MTAP: variants seen among roughly 807,000 people sequenced by gnomAD.
MTAP encodes the protein methylthioadenosine phosphorylase, also known as S-methyl-5'-thioadenosine phosphorylase.
In MTAP, 33 loss-of-function variants were observed where a neutral mutation model predicts 33.6. The observed-to-expected ratio is 0.98, with a 90% CI of 0.74 to 1.31. The LOEUF (loss-of-function observed/expected upper bound fraction) is 1.31, where lower values mean the gene tolerates loss of function less well. Among genes scored for constraint, MTAP ranks in the 40% most tolerant of loss-of-function variants. MTAP has a pLI of 0.00. For missense variants in MTAP, 367 were observed against 360.0 expected (o/e 1.02, Z -0.16); for synonymous variants, 148 against 125.7 (o/e 1.18, Z -1.19).
chr9:21,862,116 A>T lies in MTAP; in HGVS notation c.*102A>T. On this transcript the variant is annotated 3_prime_UTR_variant, in exon 8 of 8. Transcript: ENST00000644715. ...AATATGGGAAAGACATGCAGCTTTC[A>T]TGCCCTTGCCTATCAAAGAGTATGT... The T allele has an allele frequency of 1.0e-5, 16 of 1,600,286 alleles. No individual in the cohort carries two copies. Among genetic ancestry groups the T allele is most frequent in the Non-Finnish European group, 1.4e-5 (16 of 1,173,792 alleles).
At chr9:21,845,764 T>C (rs939591250) in intron 5 of MTAP, among the ~76,000 whole-genome samples, 6 of 150,486 alleles carry the variant, frequency 4.0e-5, no homozygotes, top group African/African-American at 1.5e-4. Flanking sequence ...AAAAAAAAAA[T>C]CCTAAAATTT....
chr9:21,883,440 T>C (rs985769276), intron 1 of MTAP, among the ~76,000 whole-genome samples: 4 of 152,070 alleles, frequency 2.6e-5, no homozygotes, highest in African/African-American at 9.7e-5. Context: ...AGAGCATAAA[T>C]TGATAGAACC....
At position 21,816,701 on chromosome 9, in the gene MTAP, TC is replaced by T. The variant is rs1260999631; in HGVS notation, c.121-12del. On this transcript the variant is annotated splice_polypyrimidine_tract_variant and intron_variant, in intron 2 of 7. Coordinates refer to ENST00000644715, the MANE Select transcript of MTAP (RefSeq NM_002451.4). ...AATCACTGAGTTAAATGTCATTTTT[TC>T]ATTGCATGCAGCCATCTGATGCCTT... The T allele has an allele frequency of 6.2e-7, 1 of 1,607,290 alleles. No homozygotes were observed. Among genetic ancestry groups the T allele is most frequent in the Middle Eastern group, 1.7e-4 (1 of 6,036 alleles).
intron 4 of MTAP, among the ~76,000 whole-genome samples, chr9:21,836,600 T>C (rs879389688): frequency 2.0e-5 from 3 of 152,224 alleles, no homozygotes; most frequent in Admixed American, 1.3e-4. Context: ...GTCACCGTTT[T>C]ATTGGTTAAT....
chr9:21,815,350 A>G (rs1251568784), intron 1 of MTAP, 83 bp from the exon 2 acceptor site: 2 of 931,592 alleles, frequency 2.1e-6, no homozygotes, highest in South Asian at 1.6e-5. Flanking sequence ...AGAAGAGCAT[A>G]TGAATAAATG....
rs143583414 is a variant in MTAP, at chr9:21,918,077, C to T, written c.148-12931C>T. On this transcript the variant is annotated intron_variant, in intron 1 of 1. Coordinates refer to the MTAP transcript ENST00000577563. Reference sequence around the variant, plus strand: ...GCATAAGAGTGATTAATGGGCCGGGCGCGGTGGCTCCGCCTGTAATCCCAG... The same window carrying T: ...GCATAAGAGTGATTAATGGGCCGGGTGCGGTGGCTCCGCCTGTAATCCCAG... 6.1e-3 allele frequency among the ~76,000 whole-genome samples: 693 copies of T among 113,672 alleles called. 25 individuals carry two copies. In the East Asian group the frequency reaches 0.1, roughly 17 times the overall value. 74.6% of individuals were successfully genotyped at this position (113,672 alleles called of 152,430 possible). A position where few individuals can be genotyped will look rare whatever the true frequency, so the allele number is the denominator to read the frequency against.
intron 4 of MTAP, among the ~76,000 whole-genome samples, chr9:21,834,514 G>A (rs1387190828): frequency 6.6e-6 from 1 of 152,226 alleles, no homozygotes; most frequent in Admixed American, 6.5e-5. Context: ...CAGCACGGCT[G>A]CATTCCTTTC....
chr9:21,868,447 T>A (rs540385189), downstream of MTAP, among the ~76,000 whole-genome samples: 1 of 152,172 alleles, frequency 6.6e-6, no homozygotes, highest in African/African-American at 2.4e-5. Context: ...GGAGAAAGCC[T>A]TCAATGAGAA....
chr9:21,809,917 A>G (rs551794879), intron 1 of MTAP, among the ~76,000 whole-genome samples: 2 of 152,316 alleles, frequency 1.3e-5, no homozygotes, highest in African/African-American at 4.8e-5. Flanking sequence ...TCCTCTAAAA[A>G]TATCTGGCCA....
chr9:21,875,464 T>C (rs1194829649), intron 1 of MTAP, among the ~76,000 whole-genome samples: 1 of 152,154 alleles, frequency 6.6e-6, no homozygotes, highest in African/African-American at 2.4e-5. Context: ...TAAATTTGTT[T>C]AAGTTCCTTG....
downstream of MTAP, among the ~76,000 whole-genome samples, chr9:21,870,808 CTG>C (rs1825924676): frequency 7.5e-6 from 1 of 133,076 alleles, no homozygotes; most frequent in Admixed American, 8.6e-5. Flanking sequence ...GATGGATTCT[CTG>C]TCTCCCAGGC....
intron 4 of MTAP, among the ~76,000 whole-genome samples, chr9:21,819,652 A>G (rs1392567528): frequency 6.6e-6 from 1 of 152,178 alleles, no homozygotes; most frequent in Non-Finnish European, 1.5e-5. Context: ...TTGGGTATAT[A>G]CCCAGTAATG....
At chr9:21,909,123 T>C (rs936888800) in intron 1 of MTAP, among the ~76,000 whole-genome samples, 3 of 152,116 alleles carry the variant, frequency 2.0e-5, no homozygotes, top group African/African-American at 7.2e-5. Context: ...ATTCCTTTTC[T>C]GTTTAGAAAA....
At chr9:21,804,876 C>A (rs187470324) in intron 1 of MTAP, among the ~76,000 whole-genome samples, 7 of 152,330 alleles carry the variant, frequency 4.6e-5, no homozygotes, top group African/African-American at 1.7e-4. Flanking sequence ...ATTCCACCAA[C>A]TAGATGTGAG....
chr9:21,862,728 G>A lies in MTAP; in HGVS notation c.*714G>A, dbSNP rs1430358509. 1.9e-5 allele frequency: 3 copies of A among 159,906 alleles called. No individual in the cohort carries two copies. The highest frequency in any genetic ancestry group is 2.7e-5 in the Non-Finnish European group (2 of 75,324). 9.9% of individuals were successfully genotyped at this position (159,906 alleles called of 1,614,324 possible). A position where few individuals can be genotyped will look rare whatever the true frequency, so the allele number is the denominator to read the frequency against. On this transcript the variant is annotated 3_prime_UTR_variant, in exon 8 of 8. Transcript: ENST00000644715. ...TGCTCTATATATGAAGTGAAAAAAGGATATGGTAGCATTTTATAGTACTAG... is the reference window on the plus strand; with the variant it reads ...TGCTCTATATATGAAGTGAAAAAAGAATATGGTAGCATTTTATAGTACTAG...
At chr9:21,929,047 G>T (rs985259827) in intron 1 of MTAP, among the ~76,000 whole-genome samples, 1 of 152,018 alleles carries the variant, frequency 6.6e-6, no homozygotes, top group Admixed American at 6.6e-5. Context: ...AGCTTGGAAG[G>T]TTGAAACCCC....
At chr9:21,851,703 A>G (rs1312257894) in intron 5 of MTAP, among the ~76,000 whole-genome samples, 1 of 152,192 alleles carries the variant, frequency 6.6e-6, no homozygotes, top group African/African-American at 2.4e-5. Flanking sequence ...GGTGTTGCCA[A>G]AGGAGATTGA....
intron 1 of MTAP, among the ~76,000 whole-genome samples, chr9:21,873,694 G>C (rs76296878): frequency 6.9e-6 from 1 of 145,564 alleles, no homozygotes; most frequent in Non-Finnish European, 1.5e-5. Flanking sequence ...CCACCCAAAA[G>C]GACTAAGACA....
intron 1 of MTAP, among the ~76,000 whole-genome samples, chr9:21,918,930 A>T (rs967817333): frequency 6.6e-6 from 1 of 152,232 alleles, no homozygotes; most frequent in African/African-American, 2.4e-5. Flanking sequence ...AGACTAATAA[A>T]ATGATACCTG....
Sources: allele counts gnomAD v4.1 joint callset (sites outside exome capture counted in the v4.1 genomes callset), GRCh38; gene constraint gnomAD v4.1.1; transcripts MANE v1.5; gene names NCBI Gene and HGNC (gene_info 2026-07-23, HGNC 2026-07-21).